The following SCD5 variants were observed in gnomAD, a reference collection of about 807,000 sequenced individuals.
SCD5 encodes the protein acyl-CoA-desaturase 4.
A neutral mutation model predicts 30.4 loss-of-function variants in SCD5; 20 were observed. The observed-to-expected ratio is 0.66, with a 90% confidence interval of 0.46 to 0.96. The LOEUF is 0.96. Among genes scored for constraint, SCD5 ranks in the 40% least tolerant of loss-of-function variants. The probability of loss-of-function intolerance (pLI) is 0.00; values close to 1 mark genes in which losing one functional copy is unlikely to be tolerated. For missense variants in SCD5, 381 were observed against 443.3 expected (o/e 0.86, Z 1.26); for synonymous variants, 173 against 176.4 (o/e 0.98, Z 0.16).
chr4:82,747,922 G>C (rs1439085467), intron 1 of SCD5, among the ~76,000 whole-genome samples: 1 of 152,230 alleles, frequency 6.6e-6, no homozygotes, highest in Non-Finnish European at 1.5e-5. Context: ...GGAAGAGAGA[G>C]AGGAAGAGCT....
intron 1 of SCD5, among the ~76,000 whole-genome samples, chr4:82,785,814 T>C (rs1721973245): frequency 6.6e-6 from 1 of 152,148 alleles, no homozygotes; most frequent in South Asian, 2.1e-4. Flanking sequence ...GGGAGATATG[T>C]AGGCATTATT....
chr4:82,637,509 T>A (rs1396520980), intron 3 of SCD5, among the ~76,000 whole-genome samples: 2 of 152,244 alleles, frequency 1.3e-5, no homozygotes, highest in African/African-American at 4.8e-5. Context: ...TACTGATGCA[T>A]GAGCTAAGTG....
intron 1 of SCD5, among the ~76,000 whole-genome samples, chr4:82,765,922 CA>C (rs1445283970): frequency 2.0e-5 from 3 of 152,136 alleles, no homozygotes; most frequent in Non-Finnish European, 4.4e-5. Flanking sequence ...GCATGCCCCC[CA>C]CCAAATATTT....
At chr4:82,643,127 G>A (rs28615660) in intron 3 of SCD5, among the ~76,000 whole-genome samples, 4,714 of 152,280 alleles carry the variant, frequency 0.031, 275 homozygotes, top group African/African-American at 0.11. Flanking sequence ...TGTTAGCAAG[G>A]ATGTAGAAAT....
At chr4:82,738,630 G>A (rs1228372278) in intron 1 of SCD5, among the ~76,000 whole-genome samples, 1 of 152,062 alleles carries the variant, frequency 6.6e-6, no homozygotes, top group Non-Finnish European at 1.5e-5. Flanking sequence ...GCCAACTCCT[G>A]GCCACAACTA....
intron 1 of SCD5, among the ~76,000 whole-genome samples, chr4:82,747,202 T>C (rs1721015194): frequency 6.6e-6 from 1 of 152,210 alleles, no homozygotes; most frequent in Non-Finnish European, 1.5e-5. Context: ...ACTATAAATA[T>C]GTATATTGAG....
rs556576286 is a variant in SCD5, at chr4:82,717,275, CT to C, written c.233-11863del. Reference sequence around the variant, plus strand: ...AAGATGACCCAGATCCCAACACAGACTTTTTTTTTGAACCGGGTCCTCAGAC... The same window carrying C: ...AAGATGACCCAGATCCCAACACAGACTTTTTTTTGAACCGGGTCCTCAGAC... On this transcript the variant is annotated intron_variant, in intron 1 of 4. Coordinates refer to ENST00000319540, the MANE Select transcript of SCD5 (RefSeq NM_001037582.3). Among the ~76,000 whole-genome samples the C allele has an allele frequency of 7.8e-3, 1,182 of 151,356 alleles. 11 individuals carry two copies. The highest frequency in any genetic ancestry group is 0.015 in the Non-Finnish European group (988 of 67,884).
At chr4:82,684,326 GA>G (rs1038761595) in intron 2 of SCD5, among the ~76,000 whole-genome samples, 1 of 152,148 alleles carries the variant, frequency 6.6e-6, no homozygotes, top group African/African-American at 2.4e-5. Flanking sequence ...TGAGTCCAGT[GA>G]AAAATGACTC....
chr4:82,648,081 A>G (rs893934756), intron 3 of SCD5, among the ~76,000 whole-genome samples: 2 of 152,224 alleles, frequency 1.3e-5, no homozygotes, highest in Non-Finnish European at 2.9e-5. Flanking sequence ...GAGGCAGGGG[A>G]GGTGAGGCAG....
rs549660000 is a variant in SCD5, at chr4:82,660,839, C to T, written c.569+19868G>A. The T allele has an allele frequency of 4.3e-6, 7 of 1,613,472 alleles. No homozygotes were observed. The South Asian group carries it at 6.6e-5, about 15-fold the overall frequency. The stretch of plus-strand genomic sequence containing the variant: ...CCCCGTCTGTTATTCTATACGTTAT[C>T]ACCAAGCCTCGCTGTTGTATATCTC... On this transcript the variant is annotated intron_variant, in intron 3 of 4. Coordinates refer to ENST00000319540, the MANE Select transcript of SCD5 (RefSeq NM_001037582.3).
At chr4:82,739,088 C>T (rs1466077577) in intron 1 of SCD5, among the ~76,000 whole-genome samples, 2 of 152,172 alleles carry the variant, frequency 1.3e-5, no homozygotes, top group Non-Finnish European at 2.9e-5. Context: ...CTACTAGTTG[C>T]GGGTTGACTG....
intron 1 of SCD5, among the ~76,000 whole-genome samples, chr4:82,756,573 A>G (rs1378606042): frequency 6.6e-6 from 1 of 151,936 alleles, no homozygotes; most frequent in Non-Finnish European, 1.5e-5. Context: ...TAAAAATACA[A>G]AATTAGCCAG....
At chr4:82,693,839 C>T (rs989993193) in intron 2 of SCD5, among the ~76,000 whole-genome samples, 1 of 152,194 alleles carries the variant, frequency 6.6e-6, no homozygotes, top group African/African-American at 2.4e-5. Flanking sequence ...AGCCCTGCCA[C>T]CTCCCTGAAG....
At chr4:82,699,235 A>G (rs543521139) in intron 2 of SCD5, among the ~76,000 whole-genome samples, 151 of 152,314 alleles carry the variant, frequency 9.9e-4, no homozygotes, top group Non-Finnish European at 1.8e-3. Flanking sequence ...CAGCAGTAAG[A>G]GGGTGACTTC....
chr4:82,673,191 G>T (rs1431928966), intron 3 of SCD5, among the ~76,000 whole-genome samples: 4 of 152,098 alleles, frequency 2.6e-5, no homozygotes, highest in African/African-American at 9.6e-5. Flanking sequence ...GGAAGTAAAA[G>T]ATATATCGAT....
intron 1 of SCD5, among the ~76,000 whole-genome samples, chr4:82,747,695 T>C (rs1721024301): frequency 6.6e-6 from 1 of 152,188 alleles, no homozygotes; most frequent in Non-Finnish European, 1.5e-5. Context: ...TTGCAAACAT[T>C]ATGGATTACG....
chr4:82,754,207 C>T (rs528673647), intron 1 of SCD5, among the ~76,000 whole-genome samples: 19 of 151,962 alleles, frequency 1.3e-4, no homozygotes, highest in East Asian at 9.7e-4. Context: ...GGAGAGAAAG[C>T]GGGAAATCAG....
chr4:82,680,864 A>G lies in SCD5; in HGVS notation c.412T>C (p.Ser138Pro). Residue 138 changes from serine to proline, a missense_variant, in exon 3 of 5, where the codon TCA becomes CCA. Physicochemically the swap from Ser to Pro is moderately conservative, Grantham distance 74 (BLOSUM62 -1). Transcript: ENST00000319540. ...TTGTGGGGGTCAGCATCCGTCTCTG[A>G]GTACTTGTGGTGGGCTCGGTGGTCC... is the stretch of plus-strand genomic sequence containing the variant. Reference protein sequence around the residue: ...SRDHRAHHKYSETDADPHNAR... With the variant: ...SRDHRAHHKYPETDADPHNAR... 6.2e-7 allele frequency: 1 copy of G among 1,613,648 alleles called. No homozygotes were observed. Among genetic ancestry groups the G allele is most frequent in the Non-Finnish European group, 8.5e-7 (1 of 1,179,950 alleles).
At chr4:82,660,998 G>A (rs1410312328) in intron 3 of SCD5, 2 of 1,614,062 alleles carry the variant, frequency 1.2e-6, no homozygotes, top group Non-Finnish European at 8.5e-7. Flanking sequence ...TTCAATATAT[G>A]CCCTTGATGC....
Sources: allele counts gnomAD v4.1 joint callset (sites outside exome capture counted in the v4.1 genomes callset), GRCh38; gene constraint gnomAD v4.1.1; transcripts MANE v1.5; gene names NCBI Gene and HGNC (gene_info 2026-07-23, HGNC 2026-07-21).